The following VPS54 variants were observed in gnomAD, a reference collection of about 807,000 sequenced individuals.
The protein encoded by VPS54 is vacuolar protein sorting-associated protein 54.
A neutral mutation model predicts 121.5 loss-of-function variants in VPS54; 45 were observed. That is an observed-to-expected ratio of 0.37 (90% CI 0.29 to 0.47). The LOEUF (loss-of-function observed/expected upper bound fraction) is 0.47, where lower values mean the gene tolerates loss of function less well. VPS54 is among the 20% of genes least tolerant of loss of function. VPS54 has a pLI of 0.99. For missense variants in VPS54, 1,090 were observed against 1,131.4 expected (o/e 0.96, Z 0.52); for synonymous variants, 371 against 385.8 (o/e 0.96, Z 0.45).
intron 12 of VPS54, among the ~76,000 whole-genome samples, chr2:63,933,158 T>C (rs1325110178): frequency 6.6e-6 from 1 of 152,198 alleles, no homozygotes; most frequent in Non-Finnish European, 1.5e-5. Flanking sequence ...GTAACTTTTC[T>C]GTAAATTTGA....
chr2:63,953,566 G>A (rs147000539), intron 7 of VPS54, among the ~76,000 whole-genome samples: 6 of 152,150 alleles, frequency 3.9e-5, no homozygotes, highest in East Asian at 1.9e-4. Context: ...GCCCTCTTGC[G>A]GTAGTATCTC....
intron 6 of VPS54, among the ~76,000 whole-genome samples, chr2:63,963,445 T>TA (rs1490345389): frequency 6.6e-6 from 1 of 152,126 alleles, no homozygotes; most frequent in Non-Finnish European, 1.5e-5. Context: ...TGAGATTTTT[T>TA]AACCCACAGC....
intron 22 of VPS54, among the ~76,000 whole-genome samples, chr2:63,893,929 G>A (rs565383597): frequency 2.3e-4 from 35 of 152,274 alleles, no homozygotes; most frequent in African/African-American, 8.4e-4. Context: ...AAGCAGGCTA[G>A]GTTTCTAAGT....
In VPS54 at chr2:63,934,002, A is replaced by G; in HGVS notation, c.1410T>C (p.Asn470=). The part of the protein sequence containing the change: ...IFLQRVKATL[N]IIHSVVLSVL... ...CTGAGAGAACAACACTGTGAATGAT[A>G]TTTAATGTTGCCTACAAGAAAATAG... The change falls in exon 12 of 23, where the codon AAT becomes AAC. Residue 470 remains asparagine (N), a synonymous_variant. Coordinates refer to ENST00000272322, the MANE Select transcript of VPS54 (RefSeq NM_016516.3). 6.2e-7 allele frequency: 1 copy of G among 1,610,956 alleles called. No individual in the cohort carries two copies. The highest frequency in any genetic ancestry group is 8.5e-7 in the Non-Finnish European group (1 of 1,178,140).
intron 1 of VPS54, among the ~76,000 whole-genome samples, chr2:63,984,407 T>G (rs1456635883): frequency 6.6e-6 from 1 of 152,222 alleles, no homozygotes; most frequent in Non-Finnish European, 1.5e-5. Context: ...TCACTAGTGG[T>G]GAGGAAATTT....
At chr2:63,919,218 T>C (rs974617888) in intron 15 of VPS54, among the ~76,000 whole-genome samples, 1 of 152,054 alleles carries the variant, frequency 6.6e-6, no homozygotes, top group Non-Finnish European at 1.5e-5. Context: ...TCTCTCATCA[T>C]TTTACTTCTA....
intron 1 of VPS54, among the ~76,000 whole-genome samples, chr2:64,016,325 G>A (rs1309882323): frequency 6.6e-6 from 1 of 152,152 alleles, no homozygotes; most frequent in African/African-American, 2.4e-5. Flanking sequence ...GTGATCAGTT[G>A]CTTATTCCCT....
At chr2:63,921,684 T>C (rs1185593611) in intron 12 of VPS54, among the ~76,000 whole-genome samples, 1 of 151,934 alleles carries the variant, frequency 6.6e-6, no homozygotes, top group African/African-American at 2.4e-5. Context: ...CTTGCTACAA[T>C]GCCCAGGGTG....
At chr2:64,000,050 C>T (rs956672079) in intron 1 of VPS54, among the ~76,000 whole-genome samples, 66 of 151,992 alleles carry the variant, frequency 4.3e-4, no homozygotes, top group African/African-American at 1.5e-3. Context: ...TTAGTAGAGG[C>T]AGGGTTTCAC....
At chr2:64,008,711 T>C (rs1576020252) in intron 1 of VPS54, among the ~76,000 whole-genome samples, 1 of 152,202 alleles carries the variant, frequency 6.6e-6, no homozygotes, top group Non-Finnish European at 1.5e-5. Flanking sequence ...CTGCAGGCTC[T>C]GAAGGTTCTG....
At chr2:63,911,269 C>A (rs1055162644) in intron 20 of VPS54, among the ~76,000 whole-genome samples, 1 of 152,232 alleles carries the variant, frequency 6.6e-6, no homozygotes, top group Admixed American at 6.5e-5. Context: ...TTTCTCCCTT[C>A]ACAACTAGAA....
chr2:64,000,677 T>C (rs1677831208), intron 1 of VPS54, among the ~76,000 whole-genome samples: 2 of 152,258 alleles, frequency 1.3e-5, no homozygotes, highest in Non-Finnish European at 2.9e-5. Flanking sequence ...TCTGGAAGAA[T>C]TCTCTGGATT....
chr2:63,934,034 C>T (rs1435847667), intron 11 of VPS54, 21 bp from the exon 12 acceptor site: 6 of 1,586,908 alleles, frequency 3.8e-6, no homozygotes, highest in East Asian at 2.2e-5. Context: ...ATAGGACACA[C>T]TTTTAAGGGA....
chr2:63,960,760 G>A (rs1675732322), intron 7 of VPS54, among the ~76,000 whole-genome samples: 2 of 152,088 alleles, frequency 1.3e-5, no homozygotes, highest in South Asian at 4.2e-4. Context: ...CAAATTCAAA[G>A]ATAAATCCTT....
chr2:63,998,617 T>C (rs761266885), intron 1 of VPS54, among the ~76,000 whole-genome samples: 34 of 152,200 alleles, frequency 2.2e-4, no homozygotes, highest in Non-Finnish European at 4.7e-4. Flanking sequence ...TACTATCTTA[T>C]AACCCACTGT....
intron 1 of VPS54, among the ~76,000 whole-genome samples, chr2:63,999,047 A>G (rs1395681575): frequency 6.6e-6 from 1 of 152,092 alleles, no homozygotes; most frequent in Non-Finnish European, 1.5e-5. Flanking sequence ...CCCAGGTTCA[A>G]GTGATTCTCC....
chr2:63,911,818 T>C (rs1037063651), intron 20 of VPS54, among the ~76,000 whole-genome samples: 1 of 152,216 alleles, frequency 6.6e-6, no homozygotes, highest in Admixed American at 6.5e-5. Flanking sequence ...AAGACGTGAA[T>C]TGAAAAACTT....
chr2:63,984,002 C>A lies in VPS54; in HGVS notation c.-3G>T. 1 of 1,600,780 alleles carries A rather than the reference C, an allele frequency of 6.2e-7. No individual in the cohort carries two copies. Among genetic ancestry groups the A allele is most frequent in the Non-Finnish European group, 8.5e-7 (1 of 1,172,630 alleles). ...GAAGAACTGTGGCTTGAAGCCATTG[C>A]ATAAAATCACCACTCAACTGAAAAT... is the stretch of plus-strand genomic sequence containing the variant. On this transcript the variant is annotated 5_prime_UTR_variant, in exon 2 of 23. The change abolishes an upstream ATG in the 5' untranslated region. Transcript: ENST00000272322.
chr2:63,978,024 C>G (rs560476696), intron 3 of VPS54, among the ~76,000 whole-genome samples: 1 of 152,202 alleles, frequency 6.6e-6, no homozygotes, highest in Non-Finnish European at 1.5e-5. Flanking sequence ...AAGCACCCCA[C>G]TGATGTGGTG....
Sources: gnomAD v4.1 joint callset for allele counts (sites outside exome capture counted in the v4.1 genomes callset) on GRCh38, gnomAD v4.1.1 for gene constraint, MANE v1.5 for transcripts, NCBI Gene and HGNC (gene_info 2026-07-23, HGNC 2026-07-21) for gene names.